DPP10: variants seen among roughly 807,000 people sequenced by gnomAD.
DPP10 encodes dipeptidyl peptidase like 10.
In DPP10, 33 loss-of-function variants were observed where a neutral mutation model predicts 120.9. The ratio of observed to expected loss-of-function variants is 0.27; its 90% CI spans 0.21 to 0.37. The LOEUF is 0.37. Ranked by LOEUF, DPP10 falls within the 10% of genes least tolerant of loss-of-function variation. The pLI is 1.00. For missense variants in DPP10, 816 were observed against 942.8 expected, an observed-to-expected ratio of 0.87 and a Z score of 1.76; for synonymous variants, 337 against 326.1, an observed-to-expected ratio of 1.03 and a Z score of -0.36.
Position 115,084,710 on chromosome 2 carries a change from C to T in DPP10, c.61-224529C>T, listed in dbSNP as rs1573549510. On this transcript the variant is annotated intron_variant, in intron 1 of 25. Coordinates refer to ENST00000410059, the MANE Select transcript of DPP10 (RefSeq NM_020868.6). Reference sequence around the variant, plus strand: ...TAAGAAAACAACGGAGGGACACTGGCGTCCTTCCTCCGAGAGCTCAGGCTC... The same window carrying T: ...TAAGAAAACAACGGAGGGACACTGGTGTCCTTCCTCCGAGAGCTCAGGCTC... Among the ~76,000 whole-genome samples the T allele has an allele frequency of 3.3e-5, 5 of 152,202 alleles. No individual in the cohort carries two copies. The South Asian group carries it at 6.2e-4, about 19-fold the overall frequency.
At chr2:114,571,041 C>T (rs987066502) in intron 1 of DPP10, among the ~76,000 whole-genome samples, 3 of 151,932 alleles carry the variant, frequency 2.0e-5, no homozygotes, top group African/African-American at 7.3e-5. Flanking sequence ...TAGTTAGACC[C>T]ATAAGTAAAA....
intron 1 of DPP10, among the ~76,000 whole-genome samples, chr2:114,966,512 G>A (rs1483145410): frequency 2.0e-5 from 3 of 152,040 alleles, no homozygotes; most frequent in Non-Finnish European, 1.5e-5. Flanking sequence ...ATATGTTGAA[G>A]CATCTGGAGG....
intron 1 of DPP10, among the ~76,000 whole-genome samples, chr2:114,755,886 A>G (rs111520278): frequency 5.3e-5 from 8 of 151,888 alleles, no homozygotes; most frequent in African/African-American, 1.9e-4. Context: ...ATTGAAGTCA[A>G]TATTTATTGA....
At chr2:114,606,924 G>C (rs746041598) in intron 1 of DPP10, among the ~76,000 whole-genome samples, 2 of 152,160 alleles carry the variant, frequency 1.3e-5, no homozygotes, top group Non-Finnish European at 2.9e-5. Flanking sequence ...GAATAATCAT[G>C]ACTTCTCTAT....
At chr2:115,037,768 G>A (rs1051269837) in intron 1 of DPP10, among the ~76,000 whole-genome samples, 15 of 152,230 alleles carry the variant, frequency 9.9e-5, no homozygotes, top group African/African-American at 3.1e-4. Context: ...AAAGGACAAC[G>A]GTATCTACAT....
rs1011495212 is a variant in DPP10 at position 115,753,311 on chromosome 2, A to T, written c.1074+14A>T. 3 of 1,587,336 alleles carry T rather than the reference A, an allele frequency of 1.9e-6. No individual in the cohort carries two copies. Among genetic ancestry groups the T allele is most frequent in the Non-Finnish European group, 2.6e-6 (3 of 1,166,024 alleles). ...GCTTGTAGTAAAGTGAGTATAATTT[A>T]TTTTTCTTTTATGCCTAAAATGAAG... On this transcript the variant is annotated intron_variant, in intron 11 of 25. Transcript: ENST00000410059.
chr2:114,890,031 T>C (rs1261768413), intron 1 of DPP10, among the ~76,000 whole-genome samples: 2 of 152,182 alleles, frequency 1.3e-5, no homozygotes, highest in African/African-American at 2.4e-5. Flanking sequence ...TGATTTTAGG[T>C]ATGGATATGC....
intron 1 of DPP10, among the ~76,000 whole-genome samples, chr2:114,501,405 A>G (rs1683167120): frequency 1.3e-5 from 2 of 152,202 alleles, no homozygotes; most frequent in South Asian, 4.1e-4. Context: ...TTGATGAACA[A>G]GAATATATTT....
chr2:115,531,717 GCTTGAA>G (rs1161719285), intron 5 of DPP10, among the ~76,000 whole-genome samples: 1 of 152,048 alleles, frequency 6.6e-6, no homozygotes, highest in Admixed American at 6.6e-5. Flanking sequence ...TATGAAGATA[GCTTGAA>G]CTTCTATAAA....
chr2:114,899,849 A>T (rs1693398724), intron 1 of DPP10, among the ~76,000 whole-genome samples: 1 of 152,088 alleles, frequency 6.6e-6, no homozygotes, highest in East Asian at 1.9e-4. Context: ...GGTCCCAGCT[A>T]CTCGGGAGGC....
intron 3 of DPP10, among the ~76,000 whole-genome samples, chr2:115,381,324 C>G (rs549564947): frequency 2.6e-5 from 4 of 152,132 alleles, no homozygotes; most frequent in South Asian, 4.1e-4. Context: ...CACTAATACC[C>G]TTTCTTCCAG....
chr2:115,644,182 C>T (rs1050547027), intron 5 of DPP10, among the ~76,000 whole-genome samples: 1 of 151,886 alleles, frequency 6.6e-6, no homozygotes, highest in African/African-American at 2.4e-5. Flanking sequence ...TTTTATTATA[C>T]TTTAAGTTCT....
intron 1 of DPP10, among the ~76,000 whole-genome samples, chr2:114,845,251 A>G (rs1688454066): frequency 6.6e-6 from 1 of 152,174 alleles, no homozygotes. Flanking sequence ...CAAGAAACTT[A>G]CAATCTCATT....
At chr2:115,728,501 C>T (rs747446999) in intron 8 of DPP10, among the ~76,000 whole-genome samples, 1 of 152,004 alleles carries the variant, frequency 6.6e-6, no homozygotes, top group African/African-American at 2.4e-5. Flanking sequence ...TATCACGTAC[C>T]AATTATCAGC....
intron 3 of DPP10, among the ~76,000 whole-genome samples, chr2:115,356,732 A>G (rs551025597): frequency 6.6e-6 from 1 of 152,256 alleles, no homozygotes; most frequent in Middle Eastern, 3.4e-3. Context: ...TGTTGCATCA[A>G]TAGCTGTTTT....
rs546840982 is a variant in DPP10 at position 114,916,032 on chromosome 2, T to TAA, written c.61-393199_61-393198dup. Among the ~76,000 whole-genome samples, 864 of 149,510 alleles carry TAA rather than the reference T, an allele frequency of 5.8e-3. 8 individuals carry two copies. The highest frequency in any genetic ancestry group is 0.021 in the African/African-American group (838 of 40,832). ...CTTACACATGAATCCATAAAAAAGA[T>TAA]AAAAAAAAAGTTGATGTTGTGAAAG... On this transcript the variant is annotated intron_variant, in intron 1 of 25. Coordinates refer to ENST00000410059, the MANE Select transcript of DPP10 (RefSeq NM_020868.6).
intron 1 of DPP10, among the ~76,000 whole-genome samples, chr2:114,669,782 T>C (rs1441234119): frequency 6.6e-6 from 1 of 152,060 alleles, no homozygotes; most frequent in Admixed American, 6.6e-5. Context: ...ACAAATAACA[T>C]GACTCATTTC....
At chr2:115,271,308 G>A (rs2059690253) in intron 1 of DPP10, among the ~76,000 whole-genome samples, 2 of 152,122 alleles carry the variant, frequency 1.3e-5, no homozygotes, top group South Asian at 4.1e-4. Context: ...TAAGGTCTTG[G>A]AATAAGGAAA....
At chr2:115,420,446 C>T (rs965278197) in intron 3 of DPP10, among the ~76,000 whole-genome samples, 2 of 152,166 alleles carry the variant, frequency 1.3e-5, no homozygotes, top group Non-Finnish European at 2.9e-5. Context: ...GAGCTATTTT[C>T]ACTATAGATA....
Sources: gnomAD v4.1 joint callset for allele counts (sites outside exome capture counted in the v4.1 genomes callset) on GRCh38, gnomAD v4.1.1 for gene constraint, MANE v1.5 for transcripts, NCBI Gene and HGNC (gene_info 2026-07-23, HGNC 2026-07-21) for gene names.